The following C3orf70 variants were observed in gnomAD, a reference collection of about 807,000 sequenced individuals.
C3orf70 encodes the protein chromosome 3 open reading frame 70.
Under a neutral mutation model 20.7 loss-of-function variants are expected in C3orf70, and 15 were observed. The observed-to-expected ratio is 0.72, with a 90% confidence interval of 0.48 to 1.11. C3orf70 has a LOEUF of 1.11. Ranked by LOEUF, C3orf70 falls within the 50% of genes most tolerant of loss-of-function variation. C3orf70 has a pLI of 0.00. For missense variants in C3orf70, 332 were observed against 317.6 expected (o/e 1.05, Z -0.34); for synonymous variants, 161 against 125.7 (o/e 1.28, Z -1.88).
In C3orf70 at chr3:185,102,912, A is replaced by G. The variant is rs530598951; in HGVS notation, c.197-19349T>C. Among the ~76,000 whole-genome samples the G allele has an allele frequency of 3.3e-5, 5 of 152,342 alleles. No homozygotes were observed. The South Asian group carries it at 1.0e-3, about 32-fold the overall frequency. ...ATATACAAAAATTAACTCAAGATAG[A>G]TAAAAGACTTAAATGTAAAACCCAA... is the stretch of plus-strand genomic sequence containing the variant. On this transcript the variant is annotated intron_variant, in intron 1 of 1. Transcript: ENST00000335012.
At position 185,152,728 on chromosome 3, in the gene C3orf70, T is replaced by G; in HGVS notation, c.96A>C (p.Arg32Ser). ...GCCCGTCGCACGGCTGGAAGTCGGGTCTGCGGGCGGCGCAACTCCGCGCCA... is the reference window on the plus strand; with the variant it reads ...GCCCGTCGCACGGCTGGAAGTCGGGGCTGCGGGCGGCGCAACTCCGCGCCA... Reference protein sequence around the residue: ...QALARSCAARRPDFQPCDGLS... With the variant: ...QALARSCAARSPDFQPCDGLS... Residue 32 changes from arginine to serine, a missense_variant, in exon 1 of 2, where the codon AGA becomes AGC. Coordinates refer to ENST00000335012, the MANE Select transcript of C3orf70 (RefSeq NM_001025266.3). The G allele has an allele frequency of 6.3e-7, 1 of 1,593,484 alleles. No homozygotes were observed. Among genetic ancestry groups the G allele is most frequent in the Non-Finnish European group, 8.5e-7 (1 of 1,170,734 alleles).
At chr3:185,107,501 A>G (rs1715969790) in intron 1 of C3orf70, among the ~76,000 whole-genome samples, 1 of 152,362 alleles carries the variant, frequency 6.6e-6, no homozygotes, top group Middle Eastern at 3.4e-3. Flanking sequence ...CCTGACAAAG[A>G]TTAGGAAATA....
intron 1 of C3orf70, among the ~76,000 whole-genome samples, chr3:185,084,681 T>C (rs1715423680): frequency 6.6e-6 from 1 of 152,190 alleles, no homozygotes; most frequent in African/African-American, 2.4e-5. Context: ...GTTTCCCACA[T>C]AGTTGACATG....
rs114013811 is a variant in C3orf70 at position 185,089,158 on chromosome 3, T to C, written c.197-5595A>G. Among the ~76,000 whole-genome samples the C allele has an allele frequency of 7.5e-3, 1,145 of 152,238 alleles. 22 individuals are homozygous for C. Among genetic ancestry groups the C allele is most frequent in the African/African-American group, 0.026 (1,100 of 41,524 alleles). Reference sequence around the variant, plus strand: ...AACTGAGGCCAACTTGCGTTATAATTCCCAAATAAATTCAACATATTTGGA... The same window carrying C: ...AACTGAGGCCAACTTGCGTTATAATCCCCAAATAAATTCAACATATTTGGA... On this transcript the variant is annotated intron_variant, in intron 1 of 1. Transcript: ENST00000335012.
At chr3:185,107,048 T>C (rs746334315) in intron 1 of C3orf70, among the ~76,000 whole-genome samples, 4 of 152,150 alleles carry the variant, frequency 2.6e-5, no homozygotes, top group Non-Finnish European at 5.9e-5. Flanking sequence ...AAGCAGCTTA[T>C]TGGGTAAATC....
intron 1 of C3orf70, among the ~76,000 whole-genome samples, chr3:185,146,275 CATTTT>C (rs1716873395): frequency 3.5e-5 from 4 of 114,464 alleles, no homozygotes; most frequent in Admixed American, 1.0e-4. Flanking sequence ...TTACAACTCT[CATTTT>C]TTTTTTTTTT....
intron 1 of C3orf70, among the ~76,000 whole-genome samples, chr3:185,130,716 T>C (rs558784570): frequency 7.9e-5 from 12 of 152,334 alleles, no homozygotes; most frequent in African/African-American, 2.9e-4. Flanking sequence ...ATACGATATG[T>C]TACTTTCTGT....
intron 1 of C3orf70, among the ~76,000 whole-genome samples, chr3:185,090,500 T>C (rs920165230): frequency 6.6e-6 from 1 of 152,160 alleles, no homozygotes; most frequent in Non-Finnish European, 1.5e-5. Flanking sequence ...TGCAAAGTAA[T>C]TTAAATATTT....
intron 1 of C3orf70, among the ~76,000 whole-genome samples, chr3:185,086,789 T>C (rs900344110): frequency 6.6e-6 from 1 of 152,090 alleles, no homozygotes; most frequent in Non-Finnish European, 1.5e-5. Context: ...TCTGGTGATA[T>C]GGGGATGCAA....
chr3:185,136,794 C>T (rs1056512511), intron 1 of C3orf70, among the ~76,000 whole-genome samples: 65 of 43,862 alleles, frequency 1.5e-3, no homozygotes, highest in African/African-American at 4.3e-3. Flanking sequence ...CGCCTGTAAT[C>T]CTGGCTACTC....
At chr3:185,090,897 C>G (rs1183154757) in intron 1 of C3orf70, among the ~76,000 whole-genome samples, 1 of 152,156 alleles carries the variant, frequency 6.6e-6, no homozygotes, top group Non-Finnish European at 1.5e-5. Context: ...GAAATATATG[C>G]AAGATCCTAG....
At chr3:185,101,725 T>C (rs1715827713) in intron 1 of C3orf70, among the ~76,000 whole-genome samples, 1 of 152,068 alleles carries the variant, frequency 6.6e-6, no homozygotes, top group South Asian at 2.1e-4. Flanking sequence ...AGGGGGATGG[T>C]GCTAAACCAT....
chr3:185,124,921 T>C (rs1028168211), intron 1 of C3orf70, among the ~76,000 whole-genome samples: 6 of 152,184 alleles, frequency 3.9e-5, no homozygotes, highest in African/African-American at 1.4e-4. Context: ...TCCAACATCA[T>C]TACGTTAGAG....
intron 1 of C3orf70, among the ~76,000 whole-genome samples, chr3:185,116,781 ATT>A (rs34415840): frequency 1.4e-5 from 2 of 143,510 alleles, no homozygotes; most frequent in Admixed American, 7.0e-5. Flanking sequence ...AACCCTCTAC[ATT>A]TTTTTTTTTT....
rs1561331024 is a variant in C3orf70 at position 185,091,953 on chromosome 3, ATATATATATATT to A, written c.197-8402_197-8391del. Among the ~76,000 whole-genome samples the A allele has an allele frequency of 6.9e-3, 77 of 11,214 alleles. 3 individuals carry two copies. Among genetic ancestry groups the A allele is most frequent in the Non-Finnish European group, 6.9e-3 (49 of 7,056 alleles). The allele number at this position is 11,214 out of a possible 152,430, so 7.4% of individuals were successfully genotyped here. A position where few individuals can be genotyped will look rare whatever the true frequency, so the allele number is the denominator to read the frequency against. On this transcript the variant is annotated intron_variant, in intron 1 of 1. Transcript: ENST00000335012. ...TATATATATATATATATATATATAT[ATATATATATATT>A]TTTTTTTTTTTTTAGTAGAGACAGG...
chr3:185,119,873 A>C (rs1160104685), intron 1 of C3orf70, among the ~76,000 whole-genome samples: 2 of 151,820 alleles, frequency 1.3e-5, no homozygotes, highest in African/African-American at 4.8e-5. Flanking sequence ...AAAATACAAA[A>C]ATTAGCTGGG....
intron 1 of C3orf70, among the ~76,000 whole-genome samples, chr3:185,140,610 A>C (rs1716730802): frequency 6.6e-6 from 1 of 151,958 alleles, no homozygotes; most frequent in African/African-American, 2.4e-5. Context: ...AAGTAATAAT[A>C]GGTCTTGAGG....
Position 185,083,065 on chromosome 3 carries a change from A to C in C3orf70, c.695T>G (p.Leu232Arg), listed in dbSNP as rs1715380497. 1 of 1,614,118 alleles carries C rather than the reference A, an allele frequency of 6.2e-7. No individual in the cohort carries two copies. The highest frequency in any genetic ancestry group is 8.5e-7 in the Non-Finnish European group (1 of 1,180,018). ...ESSWEPDECT[L>R]LSPSQSDLEV... is the part of the protein sequence containing the mutation. ...CAGGTCAGACTGCGAGGGGGAGAGA[A>C]GGGTGCACTCATCCGGTTCCCAGCT... Residue 232 changes from leucine (L) to arginine (R), a missense_variant, in exon 2 of 2, where the codon CTT (leucine) becomes CGT (arginine). Transcript: ENST00000335012.
chr3:185,141,749 A>C (rs1289160223), intron 1 of C3orf70, among the ~76,000 whole-genome samples: 1 of 151,968 alleles, frequency 6.6e-6, no homozygotes, highest in African/African-American at 2.4e-5. Context: ...ATCAGAAACC[A>C]GGGTTTTACT....
Sources: allele counts gnomAD v4.1 joint callset (sites outside exome capture counted in the v4.1 genomes callset), GRCh38; gene constraint gnomAD v4.1.1; transcripts MANE v1.5; gene names NCBI Gene and HGNC (gene_info 2026-07-23, HGNC 2026-07-21).